ZKSCAN4: variants seen among roughly 807,000 people sequenced by gnomAD.
ZKSCAN4 encodes the protein zinc finger with KRAB and SCAN domains 4.
In ZKSCAN4, 23 loss-of-function variants were observed where a neutral mutation model predicts 30.8. The observed-to-expected ratio is 0.75, with a 90% CI of 0.54 to 1.06. The LOEUF (loss-of-function observed/expected upper bound fraction) is 1.06, where lower values mean the gene tolerates loss of function less well. ZKSCAN4 is among the 50% of genes least tolerant of loss of function. The pLI is 0.00. For synonymous variants in ZKSCAN4, 208 were observed against 252.5 expected (o/e 0.82, Z 1.67); for missense variants, 556 against 665.4 (o/e 0.84, Z 1.81).
intron 4 of ZKSCAN4, 129 bp from the exon 5 acceptor site, chr6:28,246,104 A>G: frequency 2.3e-6 from 3 of 1,293,168 alleles, no homozygotes; most frequent in Non-Finnish European, 3.2e-6. Context: ...AAGTGCTAGA[A>G]TAAGAATGGG....
In ZKSCAN4 at chr6:28,244,738, GATTC is replaced by G. The variant is rs1223606025; in HGVS notation, c.*374_*377del. The G allele has an allele frequency of 3.5e-6, 1 of 288,688 alleles. No individual in the cohort carries two copies. The highest frequency in any genetic ancestry group is 2.2e-5 in the African/African-American group (1 of 45,994). The allele number at this position is 288,688 out of a possible 1,614,324, so 17.9% of individuals were successfully genotyped here. ...TCATGGATCTGACCAATTTGTGAAA[GATTC>G]ATTAGAGGCAAAATGAATGGTCAGA... On this transcript the variant is annotated 3_prime_UTR_variant, in exon 5 of 5. Coordinates refer to ENST00000377294, the MANE Select transcript of ZKSCAN4 (RefSeq NM_019110.5).
rs112135555 is a variant in ZKSCAN4 at position 28,249,785 on chromosome 6, A to G, written c.473T>C (p.Leu158Pro). Reference protein sequence around the residue: ...GQELLCCKMALLTQTQGSQSS... With the variant: ...GQELLCCKMAPLTQTQGSQSS... Reference sequence around the variant, plus strand: ...TTGAGACCCTTGAGTTTGTGTCAATAGTGCCATCTTGCAACAGAGCAGTTC... The same window carrying G: ...TTGAGACCCTTGAGTTTGTGTCAATGGTGCCATCTTGCAACAGAGCAGTTC... The change falls in exon 2 of 5, where the codon CTA becomes CCA. Residue 158 changes from leucine (L) to proline (P), a missense_variant. Transcript: ENST00000377294. This position sits in a 1 kb window ranked among gnomAD's most constrained non-coding sequence, Gnocchi z 4.1. 3.7e-6 allele frequency: 6 copies of G among 1,614,134 alleles called. No homozygotes were observed. The highest frequency in any genetic ancestry group is 5.1e-6 in the Non-Finnish European group (6 of 1,180,018).
intron 4 of ZKSCAN4, among the ~76,000 whole-genome samples, chr6:28,246,698 A>T (rs1760749049): frequency 6.6e-6 from 1 of 152,072 alleles, no homozygotes; most frequent in African/African-American, 2.4e-5. Context: ...GAACAAGAGG[A>T]CATCAACATT....
At chr6:28,250,421 A>C (rs13200462) in intron 1 of ZKSCAN4, among the ~76,000 whole-genome samples, 23,320 of 152,188 alleles carry the variant, frequency 0.15, 2,002 homozygotes, top group African/African-American at 0.23. Context: ...TAATAAGTGG[A>C]AATGCTAGGA....
Position 28,252,087 on chromosome 6 carries a change from T to A in ZKSCAN4, c.-107A>T. Reference sequence around the variant, plus strand: ...CCAGTAGAACTGCAAGTGGTCCCCCTCCTGTCATGCCCAGGGGCCCAGGAC... The same window carrying A: ...CCAGTAGAACTGCAAGTGGTCCCCCACCTGTCATGCCCAGGGGCCCAGGAC... On this transcript the variant is annotated 5_prime_UTR_variant, in exon 1 of 5. Transcript: ENST00000377294. 7.9e-7 allele frequency: 1 copy of A among 1,270,940 alleles called. No homozygotes were observed. Among genetic ancestry groups the A allele is most frequent in the Non-Finnish European group, 1.1e-6 (1 of 929,804 alleles). The allele number at this position is 1,270,940 out of a possible 1,614,324, so 78.7% of individuals were successfully genotyped here.
rs1285711254 is a variant in ZKSCAN4 at position 28,242,418 on chromosome 6, T to C, written c.*2698A>G. ...ATATAATACACCAGATAAAGTTTCC[T>C]AGATAATATTTTGATTATAAAATAT... is the stretch of plus-strand genomic sequence containing the variant. On this transcript the variant is annotated 3_prime_UTR_variant, in exon 5 of 5. Coordinates refer to ENST00000377294, the MANE Select transcript of ZKSCAN4 (RefSeq NM_019110.5). Among the ~76,000 whole-genome samples, 1 of 152,234 alleles carries C rather than the reference T, an allele frequency of 6.6e-6. No individual in the cohort carries two copies. Among genetic ancestry groups the C allele is most frequent in the African/African-American group, 2.4e-5 (1 of 41,458 alleles).
rs1167987843 is a variant in ZKSCAN4, at chr6:28,251,807, G to T, written c.174C>A (p.Gly58=). ...GPERSRQRFR[G]FRYPEAAGPR... ...GGCCCGCAGCCTCCGGGTAGCGGAA[G>T]CCTCGGAAGCGCTGGCGGGAGCGTT... Residue 58 remains glycine, a synonymous_variant, in exon 1 of 5, where the codon GGC becomes GGA. Transcript: ENST00000377294. The surrounding 1 kb of genome is among the most constrained non-coding windows in gnomAD (Gnocchi z 4.5). 6.2e-7 allele frequency: 1 copy of T among 1,613,108 alleles called. No individual in the cohort carries two copies. The highest frequency in any genetic ancestry group is 1.7e-5 in the Admixed American group (1 of 59,980).
In ZKSCAN4 at chr6:28,249,805, C is replaced by A. The variant is rs1214155243; in HGVS notation, c.453G>T (p.Leu151=). 3.1e-6 allele frequency: 5 copies of A among 1,614,052 alleles called. No homozygotes were observed. Among genetic ancestry groups the A allele is most frequent in the Non-Finnish European group, 4.2e-6 (5 of 1,179,992 alleles). The part of the protein sequence containing the change: ...QVPVGDQGQE[L]LCCKMALLTQ... ...TCAATAGTGCCATCTTGCAACAGAG[C>A]AGTTCTTGCCCCTGGTCACCAACGG... The change falls in exon 2 of 5, where the codon CTG becomes CTT. Residue 151 remains leucine (L), a synonymous_variant. Transcript: ENST00000377294. The surrounding 1 kb of genome is among the most constrained non-coding windows in gnomAD (Gnocchi z 4.1).
Position 28,243,912 on chromosome 6 carries a change from G to A in ZKSCAN4, c.*1204C>T, listed in dbSNP as rs1760598655. On this transcript the variant is annotated 3_prime_UTR_variant, in exon 5 of 5. Coordinates refer to ENST00000377294, the MANE Select transcript of ZKSCAN4 (RefSeq NM_019110.5). ...ACTTCTGACTTCATGTGATCTGCCTGCCACAGCCTCCCAAATTGCTGGGAT... is the reference window on the plus strand; with the variant it reads ...ACTTCTGACTTCATGTGATCTGCCTACCACAGCCTCCCAAATTGCTGGGAT... Among the ~76,000 whole-genome samples the A allele has an allele frequency of 1.3e-5, 2 of 152,026 alleles. No individual in the cohort carries two copies. Among genetic ancestry groups the A allele is most frequent in the African/African-American group, 4.8e-5 (2 of 41,378 alleles).
intron 1 of ZKSCAN4, among the ~76,000 whole-genome samples, chr6:28,250,922 C>T (rs542455544): frequency 6.6e-6 from 1 of 152,128 alleles, no homozygotes; most frequent in African/African-American, 2.4e-5. Flanking sequence ...GGACACAGGA[C>T]GATGCAAAGA....
In ZKSCAN4 at chr6:28,245,167, G is replaced by A. The variant is rs1394443065; in HGVS notation, c.1587C>T (p.Tyr529=). ...TCGKGFTRTS[Y]LVQHQRSHVG... ...CATGGCTTCTCTGATGTTGAACAAG[G>A]TATGAAGTTCGAGTGAAACCTTTTC... Residue 529 remains tyrosine, a synonymous_variant, in exon 5 of 5, where the codon TAC becomes TAT. Transcript: ENST00000377294. 3 of 1,613,924 alleles carry A rather than the reference G, an allele frequency of 1.9e-6. No homozygotes were observed. Among genetic ancestry groups the A allele is most frequent in the East Asian group, 4.5e-5 (2 of 44,894 alleles).
At position 28,251,510 on chromosome 6, in the gene ZKSCAN4, AG is replaced by A. The variant is rs1332672317; in HGVS notation, c.423+47del. The A allele has an allele frequency of 6.2e-7, 1 of 1,614,048 alleles. No individual in the cohort carries two copies. Among genetic ancestry groups the A allele is most frequent in the Non-Finnish European group, 8.5e-7 (1 of 1,180,012 alleles). The stretch of plus-strand genomic sequence containing the variant: ...GCCCCTCGCTCCGATCTGGGATTTC[AG>A]GAGGAAACAGACCACAGCGCTCAGA... On this transcript the variant is annotated intron_variant, in intron 1 of 4. Transcript: ENST00000377294. This position sits in a 1 kb window ranked among gnomAD's most constrained non-coding sequence, Gnocchi z 4.5.
chr6:28,254,879 A>AT (rs1387819222), upstream of ZKSCAN4, among the ~76,000 whole-genome samples: 7 of 152,268 alleles, frequency 4.6e-5, no homozygotes, highest in Non-Finnish European at 1.0e-4. Context: ...CCTAGGAGAG[A>AT]TAAAAACTAG....
In ZKSCAN4 at chr6:28,245,178, G is replaced by C; in HGVS notation, c.1576C>G (p.Arg526Gly). 6.2e-7 allele frequency: 1 copy of C among 1,614,018 alleles called. No individual in the cohort carries two copies. Among genetic ancestry groups the C allele is most frequent in the Non-Finnish European group, 8.5e-7 (1 of 1,180,000 alleles). ...QCDTCGKGFT[R>G]TSYLVQHQRS... is the part of the protein sequence containing the mutation. Reference sequence around the variant, plus strand: ...TGATGTTGAACAAGGTATGAAGTTCGAGTGAAACCTTTTCCACATGTGTCA... The same window carrying C: ...TGATGTTGAACAAGGTATGAAGTTCCAGTGAAACCTTTTCCACATGTGTCA... Residue 526 changes from arginine to glycine, a missense_variant, in exon 5 of 5, where the codon CGA becomes GGA. Physicochemically the swap from Arg to Gly is moderately radical, Grantham distance 125. Coordinates refer to ENST00000377294, the MANE Select transcript of ZKSCAN4 (RefSeq NM_019110.5).
Position 28,249,283 on chromosome 6 carries a change from A to G in ZKSCAN4, c.571+404T>C, listed in dbSNP as rs1265370683. Among the ~76,000 whole-genome samples the G allele has an allele frequency of 6.6e-6, 1 of 152,178 alleles. No individual in the cohort carries two copies. Among genetic ancestry groups the G allele is most frequent in the Non-Finnish European group, 1.5e-5 (1 of 68,034 alleles). ...CCTTATTTTCTTCATAGCACTTAAC[A>G]ATATCTAAAATTATATTATTAATTT... is the stretch of plus-strand genomic sequence containing the variant. On this transcript the variant is annotated intron_variant, in intron 2 of 4. Transcript: ENST00000377294. The surrounding 1 kb of genome is among the most constrained non-coding windows in gnomAD (Gnocchi z 4.1).
chr6:28,248,368 G>A (rs919444134), intron 2 of ZKSCAN4, among the ~76,000 whole-genome samples: 1 of 152,220 alleles, frequency 6.6e-6, no homozygotes, highest in Non-Finnish European at 1.5e-5. Flanking sequence ...CAGAATCGTT[G>A]GTAGGAGTGG....
chr6:28,252,846 C>T (rs1427297956), upstream of ZKSCAN4, among the ~76,000 whole-genome samples: 2 of 152,168 alleles, frequency 1.3e-5, no homozygotes. Flanking sequence ...GGCAATCAGG[C>T]TTATGCTGCT....
chr6:28,252,823 T>C (rs1360487221), upstream of ZKSCAN4, among the ~76,000 whole-genome samples: 1 of 152,156 alleles, frequency 6.6e-6, no homozygotes, highest in Non-Finnish European at 1.5e-5. Context: ...GCACATTCCA[T>C]GGCTGCTTCT....
chr6:28,251,840 C>T lies in ZKSCAN4; in HGVS notation c.141G>A (p.Arg47=), dbSNP rs144171111. The part of the protein sequence containing the change: ...AEVRAPCSPA[R]GPERSRQRFR... ...AGCGCTGGCGGGAGCGTTCGGGGCCCCGAGCAGGGCTGCAGGGTGCTCTCA... is the reference window on the plus strand; with the variant it reads ...AGCGCTGGCGGGAGCGTTCGGGGCCTCGAGCAGGGCTGCAGGGTGCTCTCA... Residue 47 remains arginine (R), a synonymous_variant, in exon 1 of 5, where the codon CGG becomes CGA. Transcript: ENST00000377294. This position sits in a 1 kb window ranked among gnomAD's most constrained non-coding sequence, Gnocchi z 4.5. 1.6e-4 allele frequency: 252 copies of T among 1,609,952 alleles called. 2 individuals are homozygous for T. In the South Asian group the frequency reaches 1.9e-3, roughly 12 times the overall value.
Sources: allele counts gnomAD v4.1 joint callset (sites outside exome capture counted in the v4.1 genomes callset), GRCh38; gene constraint gnomAD v4.1.1; non-coding constraint Gnocchi (gnomAD v3.1); transcripts MANE v1.5; gene names NCBI Gene and HGNC (gene_info 2026-07-23, HGNC 2026-07-21).